Variants in GRM5 observed in about 807,000 individuals in gnomAD.
GRM5 encodes the protein glutamate metabotropic receptor 5, also known as metabotropic glutamate receptor 5.
GRM5 carries 19 observed loss-of-function variants against 83.1 expected under a neutral mutation model. The observed-to-expected ratio is 0.23, with a 90% CI of 0.16 to 0.34. The LOEUF is 0.34. GRM5 is among the 10% of genes least tolerant of loss of function. GRM5 has a pLI of 1.00. For missense variants in GRM5, 1,160 were observed against 1,588.3 expected (o/e 0.73, Z 4.58); for synonymous variants, 675 against 633.6 (o/e 1.07, Z -0.98).
At chr11:89,007,931 C>T (rs1300348860) in intron 2 of GRM5, among the ~76,000 whole-genome samples, 1 of 152,202 alleles carries the variant, frequency 6.6e-6, no homozygotes, top group African/African-American at 2.4e-5. Context: ...CTTGTTTAAT[C>T]ACTCACAATA....
intron 7 of GRM5, among the ~76,000 whole-genome samples, chr11:88,577,465 A>G (rs1408856643): frequency 6.6e-6 from 1 of 152,122 alleles, no homozygotes; most frequent in Non-Finnish European, 1.5e-5. Flanking sequence ...GAGCACCTAC[A>G]CCATTCATAC....
chr11:88,682,936 T>A (rs1171817251), intron 3 of GRM5, among the ~76,000 whole-genome samples: 1 of 149,578 alleles, frequency 6.7e-6, no homozygotes, highest in Non-Finnish European at 1.5e-5. Context: ...ACGGAATAGT[T>A]TTTTTTTTTT....
At chr11:88,810,612 G>C (rs867485930) in intron 3 of GRM5, among the ~76,000 whole-genome samples, 1 of 152,018 alleles carries the variant, frequency 6.6e-6, no homozygotes, top group African/African-American at 2.4e-5. Context: ...AATCCTGTTC[G>C]TTGCTCCTAC....
chr11:88,716,600 A>G (rs1941405345), intron 3 of GRM5, among the ~76,000 whole-genome samples: 1 of 151,990 alleles, frequency 6.6e-6, no homozygotes, highest in Non-Finnish European at 1.5e-5. Context: ...AATAAAAGAA[A>G]TCAGGAGAGG....
chr11:88,643,981 GAGA>G (rs1318816084), intron 4 of GRM5, among the ~76,000 whole-genome samples: 3 of 152,188 alleles, frequency 2.0e-5, no homozygotes, highest in South Asian at 2.1e-4. Context: ...CTTACTTTAA[GAGA>G]AGAAGAAACA....
At chr11:88,992,921 C>T (rs746820696) in intron 2 of GRM5, among the ~76,000 whole-genome samples, 8 of 151,584 alleles carry the variant, frequency 5.3e-5, no homozygotes, top group East Asian at 3.9e-4. Flanking sequence ...ATGTAAATGA[C>T]GAGTTAATGG....
At chr11:88,905,004 A>G (rs1177103734) in intron 2 of GRM5, among the ~76,000 whole-genome samples, 1 of 152,170 alleles carries the variant, frequency 6.6e-6, no homozygotes, top group African/African-American at 2.4e-5. Flanking sequence ...TTGATATATG[A>G]TTATGCTGCC....
intron 3 of GRM5, among the ~76,000 whole-genome samples, chr11:88,767,358 T>A (rs7115960): frequency 0.03 from 4,495 of 151,944 alleles, 213 homozygotes; most frequent in African/African-American, 0.099. Context: ...TTTTCTACCA[T>A]AAAAACACAT....
At chr11:88,553,884 G>C (rs1314348611) in intron 8 of GRM5, among the ~76,000 whole-genome samples, 1 of 152,094 alleles carries the variant, frequency 6.6e-6, no homozygotes, top group Non-Finnish European at 1.5e-5. Context: ...TTTGGGTAGG[G>C]AAGACCAAAA....
intron 3 of GRM5, among the ~76,000 whole-genome samples, chr11:88,784,758 C>G (rs1943034375): frequency 6.6e-6 from 1 of 151,974 alleles, no homozygotes; most frequent in East Asian, 1.9e-4. Flanking sequence ...TTTCATTTCT[C>G]CCTATAGAAT....
intron 2 of GRM5, among the ~76,000 whole-genome samples, chr11:88,961,271 G>C (rs1938774391): frequency 1.3e-5 from 2 of 152,090 alleles, no homozygotes; most frequent in Non-Finnish European, 2.9e-5. Flanking sequence ...TAAACAAATG[G>C]GTGCAATGTA....
intron 3 of GRM5, among the ~76,000 whole-genome samples, chr11:88,751,081 A>AT (rs1387845719): frequency 1.4e-5 from 2 of 146,928 alleles, no homozygotes; most frequent in Non-Finnish European, 3.0e-5. Context: ...CCAAAAAAAA[A>AT]AAAAAAAAAA....
intron 2 of GRM5, among the ~76,000 whole-genome samples, chr11:88,919,258 C>T (rs7924854): frequency 0.36 from 7,494 of 20,862 alleles, 1,827 homozygotes; most frequent in Non-Finnish European, 0.58. Context: ...ATATATATAT[C>T]GGATAAAATA....
chr11:88,509,295 C>A lies in GRM5; in HGVS notation c.2936G>T (p.Gly979Val). 1 of 1,499,452 alleles carries A rather than the reference C, an allele frequency of 6.7e-7. No homozygotes were observed. Among genetic ancestry groups the A allele is most frequent in the Non-Finnish European group, 8.9e-7 (1 of 1,128,330 alleles). 92.9% of individuals were successfully genotyped at this position (1,499,452 alleles called of 1,614,324 possible). Residue 979 changes from glycine (G) to valine (V), a missense_variant, in exon 10 of 10, where the codon GGT becomes GTT. Coordinates refer to ENST00000305447, the MANE Select transcript of GRM5 (RefSeq NM_001143831.3). ...TGGGCCGGCGCCTGCGCAGCCCGCA[C>A]CGCCCGTGGCCCCCACGCCCCCAGC... is the stretch of plus-strand genomic sequence containing the variant. The part of the protein sequence containing the change: ...GSAGGVGATG[G>V]AGCAGAGPGG...
At position 88,509,511 on chromosome 11, in the gene GRM5, A is replaced by C; in HGVS notation, c.2727-7T>G. The C allele has an allele frequency of 6.2e-7, 1 of 1,605,094 alleles. No individual in the cohort carries two copies. Among genetic ancestry groups the C allele is most frequent in the Non-Finnish European group, 8.5e-7 (1 of 1,175,642 alleles). On this transcript the variant is annotated splice_polypyrimidine_tract_variant and splice_region_variant and intron_variant, in intron 9 of 9. Transcript: ENST00000305447. ...GACGGATTTTCCATTGGAACTGAGG[A>C]GAGAAGGGAGAGGAAAGGTGACTCA...
intron 7 of GRM5, among the ~76,000 whole-genome samples, chr11:88,580,012 C>T (rs902236928): frequency 6.6e-6 from 1 of 152,068 alleles, no homozygotes; most frequent in African/African-American, 2.4e-5. Context: ...AAGGATTAGC[C>T]AATGGGATTT....
intron 3 of GRM5, among the ~76,000 whole-genome samples, chr11:88,714,520 C>T (rs1941357850): frequency 6.6e-6 from 1 of 151,956 alleles, no homozygotes; most frequent in African/African-American, 2.4e-5. Flanking sequence ...TCATAGTTTA[C>T]ATGTATAACC....
intron 3 of GRM5, among the ~76,000 whole-genome samples, chr11:88,786,190 G>C (rs1353362826): frequency 1.3e-5 from 2 of 152,088 alleles, no homozygotes; most frequent in Non-Finnish European, 2.9e-5. Context: ...CTATCCATAA[G>C]ACGTAGCAGC....
intron 2 of GRM5, among the ~76,000 whole-genome samples, chr11:88,910,785 C>T (rs1169304758): frequency 2.0e-5 from 3 of 151,938 alleles, no homozygotes; most frequent in East Asian, 1.9e-4. Flanking sequence ...AATGTCTATT[C>T]ACGTCAATAT....
Sources: allele counts gnomAD v4.1 joint callset (sites outside exome capture counted in the v4.1 genomes callset), GRCh38; gene constraint gnomAD v4.1.1; transcripts MANE v1.5; gene names NCBI Gene and HGNC (gene_info 2026-07-23, HGNC 2026-07-21).